Variants in PDE4D observed in about 807,000 individuals in gnomAD.
The protein encoded by PDE4D is 3',5'-cyclic-AMP phosphodiesterase 4D.
A neutral mutation model predicts 87.4 loss-of-function variants in PDE4D; 24 were observed. That is an observed-to-expected ratio of 0.27 (90% CI 0.20 to 0.39). The LOEUF (loss-of-function observed/expected upper bound fraction) is 0.39, where lower values mean the gene tolerates loss of function less well. PDE4D is among the 10% of genes least tolerant of loss of function. The pLI is 1.00. For synonymous variants in PDE4D, 384 were observed against 383.2 expected (o/e 1.00, Z -0.02); for missense variants, 714 against 1,041.0 (o/e 0.69, Z 4.32).
At chr5:59,455,186 G>T (rs1433716407) in intron 1 of PDE4D, among the ~76,000 whole-genome samples, 1 of 152,232 alleles carries the variant, frequency 6.6e-6, no homozygotes, top group Non-Finnish European at 1.5e-5. Flanking sequence ...TGTCTCCAGA[G>T]CATGTCTGAG....
At chr5:59,755,313 T>C (rs1300509489) in intron 1 of PDE4D, among the ~76,000 whole-genome samples, 2 of 152,174 alleles carry the variant, frequency 1.3e-5, no homozygotes, top group Non-Finnish European at 1.5e-5. Flanking sequence ...TATTGTATAT[T>C]TTTTCAATTA....
intron 6 of PDE4D, among the ~76,000 whole-genome samples, chr5:59,016,390 C>CTTTTTTT (rs35622981): frequency 4.3e-4 from 34 of 78,590 alleles, no homozygotes; most frequent in African/African-American, 5.0e-4. Flanking sequence ...TCAGTCTGTT[C>CTTTTTTT]TTTTTTTTTT....
chr5:59,287,321 CCT>C (rs1374927556), intron 1 of PDE4D, among the ~76,000 whole-genome samples: 1 of 151,704 alleles, frequency 6.6e-6, no homozygotes, highest in Non-Finnish European at 1.5e-5. Flanking sequence ...GGGAGAGACT[CCT>C]CTGCTTGTGG....
At chr5:60,207,918 G>A (rs1017256226) in intron 1 of PDE4D, among the ~76,000 whole-genome samples, 15 of 152,196 alleles carry the variant, frequency 9.9e-5, no homozygotes, top group African/African-American at 3.6e-4. Flanking sequence ...AACTTAAATG[G>A]GGCAAGTCAT....
intron 5 of PDE4D, chr5:59,165,097 TAATAA>T (rs1464805578): frequency 6.6e-6 from 1 of 152,076 alleles, no homozygotes; most frequent in Non-Finnish European, 1.5e-5. Flanking sequence ...AGAAATAAAT[TAATAA>T]AATAAATAGT....
chr5:59,225,316 ATG>A (rs539773198), intron 1 of PDE4D, among the ~76,000 whole-genome samples: 72 of 152,270 alleles, frequency 4.7e-4, no homozygotes, highest in African/African-American at 1.7e-3. Context: ...TTGACTGTGT[ATG>A]TGTGAGTTTA....
chr5:59,764,651 CTT>C (rs1177876033), intron 1 of PDE4D, among the ~76,000 whole-genome samples: 7 of 123,334 alleles, frequency 5.7e-5, no homozygotes, highest in Non-Finnish European at 1.1e-4. Flanking sequence ...AGAGAAGTCC[CTT>C]TTTTTTTTTT....
chr5:60,354,827 T>G (rs186662606), intron 1 of PDE4D, among the ~76,000 whole-genome samples: 8 of 152,324 alleles, frequency 5.3e-5, no homozygotes, highest in Admixed American at 4.6e-4. Context: ...TGTTGGACAC[T>G]GAAATTAATA....
intron 1 of PDE4D, among the ~76,000 whole-genome samples, chr5:60,198,613 C>T (rs967721597): frequency 5.3e-5 from 8 of 151,638 alleles, no homozygotes; most frequent in African/African-American, 1.9e-4. Flanking sequence ...CTGTACCTAA[C>T]TCTAAGAAGG....
At chr5:59,120,037 TC>T (rs1354705539) in intron 5 of PDE4D, among the ~76,000 whole-genome samples, 2 of 151,966 alleles carry the variant, frequency 1.3e-5, no homozygotes, top group African/African-American at 4.8e-5. Context: ...TAGAGTCTGT[TC>T]CCCAGGCTGG....
chr5:59,531,175 C>T (rs1445870354), intron 1 of PDE4D, among the ~76,000 whole-genome samples: 2 of 152,184 alleles, frequency 1.3e-5, no homozygotes, highest in African/African-American at 4.8e-5. Context: ...GAAGTAGAAA[C>T]TGCTCTTTTA....
At chr5:59,288,303 A>G (rs1423163892) in intron 1 of PDE4D, among the ~76,000 whole-genome samples, 1 of 151,228 alleles carries the variant, frequency 6.6e-6, no homozygotes, top group African/African-American at 2.4e-5. Context: ...CACGCAACTG[A>G]CATACTGAAA....
intron 1 of PDE4D, among the ~76,000 whole-genome samples, chr5:59,766,199 C>A (rs1453650156): frequency 1.3e-5 from 2 of 152,132 alleles, no homozygotes; most frequent in African/African-American, 2.4e-5. Context: ...CTCATTCAAC[C>A]AATATGGAAA....
intron 1 of PDE4D, among the ~76,000 whole-genome samples, chr5:59,722,755 T>G (rs957917070): frequency 6.6e-6 from 1 of 152,160 alleles, no homozygotes; most frequent in Admixed American, 6.6e-5. Flanking sequence ...TGTTGAACAT[T>G]TAAGCTCCTT....
intron 1 of PDE4D, chr5:59,768,114 G>A: frequency 9.0e-7 from 1 of 1,107,946 alleles, no homozygotes; most frequent in Non-Finnish European, 1.3e-6. Flanking sequence ...GGTTAAGGGA[G>A]ATCACTTGGC....
rs1345148257 is a variant in PDE4D, at chr5:59,893,383, G to C, written c.240C>G (p.Pro80=). Residue 80 remains proline (P), a synonymous_variant, in exon 1 of 15, where the codon CCC becomes CCG. Transcript: ENST00000340635. ...CGGGCGGCGGCGGGGGCGGCGGCAG[G>C]GGGGGCGGCGGCGGCGGCTGTAGCG... ...QCPLQPPPPP[P]LPPPPPPPGA... The C allele has an allele frequency of 4.4e-5, 55 of 1,260,292 alleles. No individual in the cohort carries two copies. The East Asian group carries it at 8.8e-4, about 20-fold the overall frequency. The allele number at this position is 1,260,292 out of a possible 1,614,324, so 78.1% of individuals were successfully genotyped here.
intron 1 of PDE4D, among the ~76,000 whole-genome samples, chr5:60,314,485 TA>T (rs1170024049): frequency 6.6e-6 from 1 of 152,132 alleles, no homozygotes; most frequent in Non-Finnish European, 1.5e-5. Context: ...GATTTTATTT[TA>T]TTTTTTATTA....
At chr5:58,992,243 G>C (rs1405162215) in intron 7 of PDE4D, among the ~76,000 whole-genome samples, 1 of 151,970 alleles carries the variant, frequency 6.6e-6, no homozygotes, top group African/African-American at 2.4e-5. Flanking sequence ...GTATTCCATG[G>C]TTACCTCTTT....
chr5:60,065,270 C>A (rs946486728), intron 2 of PDE4D, among the ~76,000 whole-genome samples: 1 of 148,746 alleles, frequency 6.7e-6, no homozygotes, highest in Non-Finnish European at 1.5e-5. Context: ...GTGTGTGTGT[C>A]GTGTGTGTGT....
Sources: allele counts gnomAD v4.1 joint callset (sites outside exome capture counted in the v4.1 genomes callset), GRCh38; gene constraint gnomAD v4.1.1; transcripts MANE v1.5; gene names NCBI Gene and HGNC (gene_info 2026-07-23, HGNC 2026-07-21).